Variants in BICDL1 observed in about 807,000 individuals in gnomAD.
The protein encoded by BICDL1 is BICD family like cargo adaptor 1, also known as BICD family-like cargo adapter 1.
Under a neutral mutation model 76.8 loss-of-function variants are expected in BICDL1, and 20 were observed. The ratio of observed to expected loss-of-function variants is 0.26; its 90% CI spans 0.18 to 0.38. BICDL1 has a LOEUF of 0.38. Ranked by LOEUF, BICDL1 falls within the 10% of genes least tolerant of loss-of-function variation. BICDL1 has a pLI of 1.00. For missense variants in BICDL1, 700 were observed against 798.6 expected (o/e 0.88, Z 1.49); for synonymous variants, 383 against 337.1 (o/e 1.14, Z -1.49).
In BICDL1 at chr12:120,079,789, G is replaced by A. The variant is rs1015373844; in HGVS notation, c.1453-1098G>A. On this transcript the variant is annotated intron_variant, in intron 7 of 9. Transcript: ENST00000548673. The surrounding 1 kb of genome is among the most constrained non-coding windows in gnomAD (Gnocchi z 4.3). ...AAAACAAGAAAGGGCCATGGGAAAA[G>A]GGACAACAAACAAACTGCCGCCCTT... 2.6e-5 allele frequency among the ~76,000 whole-genome samples: 4 copies of A among 152,220 alleles called. No individual in the cohort carries two copies. The highest frequency in any genetic ancestry group is 9.6e-5 in the African/African-American group (4 of 41,452).
chr12:120,040,366 A>G (rs1392760872), intron 2 of BICDL1, among the ~76,000 whole-genome samples: 1 of 151,510 alleles, frequency 6.6e-6, no homozygotes, highest in East Asian at 1.9e-4. Flanking sequence ...GCTGAGATTA[A>G]CAAGCGTGAG....
chr12:120,083,114 C>T (rs1248062599), intron 8 of BICDL1, among the ~76,000 whole-genome samples: 2 of 151,984 alleles, frequency 1.3e-5, no homozygotes, highest in African/African-American at 4.8e-5. Flanking sequence ...CTGCCCACCT[C>T]GGCCTCCCAA....
intron 2 of BICDL1, among the ~76,000 whole-genome samples, chr12:120,002,089 G>A (rs1235143089): frequency 6.6e-6 from 1 of 152,084 alleles, no homozygotes; most frequent in Non-Finnish European, 1.5e-5. Flanking sequence ...TTACAGAGGT[G>A]TGCCACTATC....
At chr12:120,048,502 T>C (rs558859497) in intron 2 of BICDL1, among the ~76,000 whole-genome samples, 8 of 152,262 alleles carry the variant, frequency 5.3e-5, no homozygotes, top group Admixed American at 1.3e-4. Flanking sequence ...TCAAACCTTA[T>C]AGTGTCAGCA....
rs1225707843 is a variant in BICDL1, at chr12:119,990,302, G to C, written c.429+5G>C. On this transcript the variant is annotated splice_donor_5th_base_variant and intron_variant, in intron 1 of 9. Transcript: ENST00000548673. ...GAGCTGACAGACAAGCTCGAGGTGA[G>C]GACCTCCCTCCAGGGATGGGTGGGG... 2 of 1,557,874 alleles carry C rather than the reference G, an allele frequency of 1.3e-6. No individual in the cohort carries two copies. The highest frequency in any genetic ancestry group is 1.9e-5 in the Admixed American group (1 of 51,856).
Position 120,074,450 on chromosome 12 carries a change from G to A in BICDL1, c.1316G>A (p.Arg439Gln), listed in dbSNP as rs766382200. 2.2e-5 allele frequency: 27 copies of A among 1,216,060 alleles called. No homozygotes were observed. The highest frequency in any genetic ancestry group is 6.8e-5 in the East Asian group (1 of 14,694). 75.3% of individuals were successfully genotyped at this position (1,216,060 alleles called of 1,614,324 possible). The stretch of plus-strand genomic sequence containing the variant: ...TCTTTCTTTTACTGTCAGGGCTCCC[G>A]GAGACTTGATGATGACTCCTTAGAA... ...IVDGMEPTGS[R>Q]RLDDDSLEEQ... Residue 439 changes from arginine to glutamine, a missense_variant, in exon 7 of 10, where the codon CGG (arginine) becomes CAG (glutamine). Arg to Gln is a conservative substitution (Grantham distance 43, BLOSUM62 1). Around this residue, in one of 3 missense-constraint regions of BICDL1, gnomAD observed 455 missense variants for 548.7 expected, o/e 0.83. Coordinates refer to ENST00000548673, the MANE Select transcript of BICDL1 (RefSeq NM_001367886.1).
At chr12:120,013,108 C>A (rs1290239139) in intron 2 of BICDL1, among the ~76,000 whole-genome samples, 1 of 151,992 alleles carries the variant, frequency 6.6e-6, no homozygotes. Flanking sequence ...GTCAGGAGTT[C>A]AAGACCAGCC....
chr12:120,019,680 G>A (rs1020541868), intron 2 of BICDL1, among the ~76,000 whole-genome samples: 8 of 152,122 alleles, frequency 5.3e-5, no homozygotes, highest in Admixed American at 1.3e-4. Flanking sequence ...GAACTCCTGG[G>A]CTCAACAGAT....
At chr12:120,030,343 C>T (rs1294670380) in intron 2 of BICDL1, among the ~76,000 whole-genome samples, 1 of 152,162 alleles carries the variant, frequency 6.6e-6, no homozygotes, top group African/African-American at 2.4e-5. Flanking sequence ...GAGGAAAGGT[C>T]AACCCTTCAT....
chr12:120,010,743 T>A (rs1404611481), intron 2 of BICDL1, among the ~76,000 whole-genome samples: 1 of 152,212 alleles, frequency 6.6e-6, no homozygotes, highest in Non-Finnish European at 1.5e-5. Flanking sequence ...AAGTGTTTTT[T>A]TTTATCTGAG....
chr12:120,022,703 G>A (rs1325128867), intron 2 of BICDL1, among the ~76,000 whole-genome samples: 1 of 152,024 alleles, frequency 6.6e-6, no homozygotes, highest in Non-Finnish European at 1.5e-5. Context: ...ATCAGGTAAT[G>A]CAGGAGAGTG....
rs377763632 is a variant in BICDL1, at chr12:120,090,049, C to T, written c.1682C>T (p.Ser561Leu). 6.4e-5 allele frequency: 104 copies of T among 1,613,948 alleles called. No homozygotes were observed. Among genetic ancestry groups the T allele is most frequent in the Admixed American group, 2.8e-4 (17 of 60,004 alleles). Reference protein sequence around the residue: ...LDAIQQKLNLSQQLEAWQDDM... With the variant: ...LDAIQQKLNLLQQLEAWQDDM... Reference sequence around the variant, plus strand: ...GCCATTCAGCAGAAACTGAACCTCTCGCAGCAGCTGGAAGCTTGGCAGGTA... The same window carrying T: ...GCCATTCAGCAGAAACTGAACCTCTTGCAGCAGCTGGAAGCTTGGCAGGTA... The change falls in exon 9 of 10, where the codon TCG becomes TTG. Residue 561 changes from serine (S) to leucine (L), a missense_variant. Ser to Leu is a moderately radical substitution (Grantham distance 145, BLOSUM62 -2). This residue lies in a region of BICDL1 where 455 missense variants were observed against 548.7 expected (regional missense o/e 0.83). Coordinates refer to ENST00000548673, the MANE Select transcript of BICDL1 (RefSeq NM_001367886.1).
chr12:120,005,227 C>T (rs1249190395), intron 2 of BICDL1, among the ~76,000 whole-genome samples: 1 of 152,178 alleles, frequency 6.6e-6, no homozygotes, highest in African/African-American at 2.4e-5. Flanking sequence ...ATGTTCAGTA[C>T]AAATGTTCAG....
intron 8 of BICDL1, among the ~76,000 whole-genome samples, chr12:120,089,287 TGTATGTGTGTGTGTGTGGG>T (rs1874731410): frequency 7.5e-6 from 1 of 132,996 alleles, no homozygotes; most frequent in African/African-American, 3.6e-5. Context: ...TGTGTGTGTG[TGTATGTGTGTGTGTGTGGG>T]GTGTGACGGA....
chr12:120,064,678 A>G, intron 3 of BICDL1, 55 bp from the exon 4 acceptor site: 2 of 1,540,220 alleles, frequency 1.3e-6, no homozygotes, highest in Non-Finnish European at 1.7e-6. Flanking sequence ...CCTAGTTCCT[A>G]CTTGTCAGCC....
intron 2 of BICDL1, among the ~76,000 whole-genome samples, chr12:120,016,173 T>A (rs1322463824): frequency 6.6e-6 from 1 of 152,246 alleles, no homozygotes; most frequent in African/African-American, 2.4e-5. Flanking sequence ...TTTTTGTGTC[T>A]GGCCTCTTTC....
intron 9 of BICDL1, 73 bp downstream of exon 9, chr12:120,090,144 G>A: frequency 6.4e-7 from 1 of 1,568,252 alleles, no homozygotes; most frequent in Non-Finnish European, 8.6e-7. Context: ...AGAGTGTAAG[G>A]AGAGTTTGCC....
intron 2 of BICDL1, among the ~76,000 whole-genome samples, chr12:120,038,779 A>G (rs190211928): frequency 6.6e-6 from 1 of 152,266 alleles, no homozygotes. Context: ...ACCTCTTTGA[A>G]GTTCAGTTTC....
chr12:120,002,464 TTACATACCAAAGA>T (rs1456307562), intron 2 of BICDL1, among the ~76,000 whole-genome samples: 3 of 152,252 alleles, frequency 2.0e-5, no homozygotes, highest in African/African-American at 7.2e-5. Context: ...AATAACATAT[TTACATACCAAAGA>T]TACATAAGCC....
Sources: allele counts gnomAD v4.1 joint callset (sites outside exome capture counted in the v4.1 genomes callset), GRCh38; gene constraint gnomAD v4.1.1; regional missense constraint gnomAD v4.1.1; non-coding constraint Gnocchi (gnomAD v3.1); transcripts MANE v1.5; gene names NCBI Gene and HGNC (gene_info 2026-07-23, HGNC 2026-07-21).